CAMKMT: variants seen among roughly 807,000 people sequenced by gnomAD.
The protein encoded by CAMKMT is CaM KMT.
In CAMKMT, 53 loss-of-function variants were observed where a neutral mutation model predicts 48.0. That is an observed-to-expected ratio of 1.10 (90% CI 0.89 to 1.39). CAMKMT has a LOEUF of 1.39. CAMKMT is among the 40% of genes most tolerant of loss of function. The pLI, the probability that CAMKMT is intolerant of heterozygous loss-of-function variation, is 0.00. For missense variants in CAMKMT, 428 were observed against 402.7 expected (o/e 1.06, Z -0.54); for synonymous variants, 165 against 152.3 (o/e 1.08, Z -0.61).
At chr2:44,396,238 A>C (rs938657126) in intron 3 of CAMKMT, among the ~76,000 whole-genome samples, 1 of 152,068 alleles carries the variant, frequency 6.6e-6, no homozygotes, top group Non-Finnish European at 1.5e-5. Flanking sequence ...AACACCATGA[A>C]TTTAAAGGTT....
intron 3 of CAMKMT, among the ~76,000 whole-genome samples, chr2:44,652,202 T>A (rs1417534168): frequency 6.6e-6 from 1 of 152,226 alleles, no homozygotes. Context: ...GACTTTCTAG[T>A]TATGACTTAA....
At chr2:44,432,640 T>C (rs984187839) in intron 3 of CAMKMT, among the ~76,000 whole-genome samples, 5 of 152,174 alleles carry the variant, frequency 3.3e-5, no homozygotes, top group African/African-American at 4.8e-5. Flanking sequence ...TATTATTTTA[T>C]GGCTCTCTGA....
At chr2:44,603,965 A>G (rs1248457415) in intron 3 of CAMKMT, among the ~76,000 whole-genome samples, 3 of 152,234 alleles carry the variant, frequency 2.0e-5, no homozygotes, top group African/African-American at 4.8e-5. Flanking sequence ...AAACTGAATT[A>G]TAAGACCTGG....
At chr2:44,403,316 C>T (rs1682557287) in intron 3 of CAMKMT, among the ~76,000 whole-genome samples, 1 of 152,102 alleles carries the variant, frequency 6.6e-6, no homozygotes, top group Non-Finnish European at 1.5e-5. Context: ...AGTATTTTAC[C>T]TTCCTTACCA....
intron 7 of CAMKMT, among the ~76,000 whole-genome samples, chr2:44,718,497 T>C (rs953573524): frequency 1.3e-5 from 2 of 152,222 alleles, no homozygotes; most frequent in African/African-American, 4.8e-5. Context: ...AAAATAATTC[T>C]TGAACAAAGG....
Position 44,432,659 on chromosome 2 carries a change from T to C in CAMKMT, c.376+42354T>C, listed in dbSNP as rs1251693295. On this transcript the variant is annotated intron_variant, in intron 3 of 10. Transcript: ENST00000378494. The stretch of plus-strand genomic sequence containing the variant: ...ATTTTATGGCTCTCTGAAACTTTGT[T>C]TGATACTTCAGATAGAGGCAGAGCT... Among the ~76,000 whole-genome samples the C allele has an allele frequency of 2.0e-5, 3 of 152,306 alleles. No individual in the cohort carries two copies. In the East Asian group the frequency reaches 5.8e-4, roughly 29 times the overall value.
At chr2:44,536,732 C>T (rs1440417044) in intron 3 of CAMKMT, among the ~76,000 whole-genome samples, 1 of 152,080 alleles carries the variant, frequency 6.6e-6, no homozygotes, top group East Asian at 1.9e-4. Context: ...AAGAACAAAG[C>T]TGGAGGCATC....
intron 3 of CAMKMT, among the ~76,000 whole-genome samples, chr2:44,411,261 C>A (rs1683185631): frequency 6.6e-6 from 1 of 152,074 alleles, no homozygotes; most frequent in African/African-American, 2.4e-5. Flanking sequence ...AGCATTCATT[C>A]GTTTACTCAT....
chr2:44,700,735 T>A (rs1190110188), intron 3 of CAMKMT, among the ~76,000 whole-genome samples: 1 of 152,180 alleles, frequency 6.6e-6, no homozygotes, highest in Non-Finnish European at 1.5e-5. Flanking sequence ...ATAATAATAA[T>A]GAAAAATTTT....
chr2:44,457,321 A>G (rs1179892448), intron 3 of CAMKMT: 2 of 152,062 alleles, frequency 1.3e-5, no homozygotes, highest in Non-Finnish European at 2.9e-5. Context: ...AAGGCAAAAG[A>G]TGATCATAAA....
intron 1 of CAMKMT, among the ~76,000 whole-genome samples, chr2:44,366,336 C>T (rs1678588834): frequency 6.6e-6 from 1 of 152,228 alleles, no homozygotes; most frequent in East Asian, 1.9e-4. Context: ...AGTCCTAGGT[C>T]TACTACCACG....
chr2:44,501,182 A>G (rs1180546534), intron 3 of CAMKMT, among the ~76,000 whole-genome samples: 1 of 151,894 alleles, frequency 6.6e-6, no homozygotes, highest in African/African-American at 2.4e-5. Context: ...ATTTTTATAT[A>G]CAAATATATG....
chr2:44,474,960 A>C (rs1310107592), intron 3 of CAMKMT, among the ~76,000 whole-genome samples: 2 of 152,244 alleles, frequency 1.3e-5, no homozygotes, highest in African/African-American at 2.4e-5. Context: ...GCCAGACACA[A>C]GAATGACAAG....
intron 3 of CAMKMT, among the ~76,000 whole-genome samples, chr2:44,564,545 G>A (rs1376308448): frequency 6.6e-6 from 1 of 151,694 alleles, no homozygotes; most frequent in Non-Finnish European, 1.5e-5. Flanking sequence ...CATTTTGTTT[G>A]TTTGTTTGTT....
At chr2:44,555,876 T>A (rs1381986868) in intron 3 of CAMKMT, among the ~76,000 whole-genome samples, 3 of 152,068 alleles carry the variant, frequency 2.0e-5, no homozygotes, top group African/African-American at 7.2e-5. Flanking sequence ...AAAGTGTCCA[T>A]TGAATTTAGC....
Position 44,715,365 on chromosome 2 carries a change from T to A in CAMKMT, c.623+12T>A. 1 of 1,600,654 alleles carries A rather than the reference T, an allele frequency of 6.2e-7. No individual in the cohort carries two copies. Among genetic ancestry groups the A allele is most frequent in the Non-Finnish European group, 8.5e-7 (1 of 1,171,608 alleles). On this transcript the variant is annotated intron_variant, in intron 7 of 10. Coordinates refer to ENST00000378494, the MANE Select transcript of CAMKMT (RefSeq NM_024766.5). ...AAAATATCAAGCTGGTAAGATACCTTTCTGCATTAAAAAATTCCCATTGAA... is the reference window on the plus strand; with the variant it reads ...AAAATATCAAGCTGGTAAGATACCTATCTGCATTAAAAAATTCCCATTGAA...
At chr2:44,606,087 T>C (rs903598146) in intron 3 of CAMKMT, among the ~76,000 whole-genome samples, 1 of 152,148 alleles carries the variant, frequency 6.6e-6, no homozygotes, top group Middle Eastern at 3.2e-3. Context: ...TTAAATGTTT[T>C]TGTGTTTTGT....
chr2:44,724,834 G>A (rs907898547), intron 7 of CAMKMT, among the ~76,000 whole-genome samples: 4 of 152,176 alleles, frequency 2.6e-5, no homozygotes, highest in Non-Finnish European at 4.4e-5. Flanking sequence ...TATCGGAGGT[G>A]GACAGGCCTG....
chr2:44,736,270 A>G (rs996687543), intron 7 of CAMKMT, among the ~76,000 whole-genome samples: 4 of 152,044 alleles, frequency 2.6e-5, no homozygotes, highest in South Asian at 4.1e-4. Flanking sequence ...TTTGAAATAT[A>G]TTTTCACTGG....
Sources: gnomAD v4.1 joint callset for allele counts (sites outside exome capture counted in the v4.1 genomes callset) on GRCh38, gnomAD v4.1.1 for gene constraint, MANE v1.5 for transcripts, NCBI Gene and HGNC (gene_info 2026-07-23, HGNC 2026-07-21) for gene names.